The following GPATCH3 variants were observed in gnomAD, a reference collection of about 807,000 sequenced individuals.
GPATCH3 encodes G patch domain-containing protein 3.
In GPATCH3, 45 loss-of-function variants were observed where a neutral mutation model predicts 53.2. That is an observed-to-expected ratio of 0.85 (90% confidence interval 0.67 to 1.08). The LOEUF (loss-of-function observed/expected upper bound fraction) is 1.08. Among genes scored for constraint, GPATCH3 ranks in the 50% least tolerant of loss-of-function variants. The pLI is 0.00. For synonymous variants in GPATCH3, 280 were observed against 270.6 expected (o/e 1.03, Z -0.34); for missense variants, 680 against 687.2 (o/e 0.99, Z 0.12).
Position 26,897,708 on chromosome 1 carries a change from AGGGAAAGGAG to A in GPATCH3, c.459_468del (p.Phe155ArgfsTer21). 6.2e-7 allele frequency: 1 copy of A among 1,612,172 alleles called. No homozygotes were observed. On this transcript the variant is annotated frameshift_variant, in exon 2 of 7. Coordinates refer to ENST00000361720, the MANE Select transcript of GPATCH3 (RefSeq NM_022078.3). LOFTEE classifies it high-confidence loss of function. Reference sequence around the variant, plus strand: ...CTCTGCAGTTCCTTCCGGGTCTTGAAGGGAAAGGAGCCCAGACCTTGGAAAGGAGGGAGAA... The same window carrying A: ...CTCTGCAGTTCCTTCCGGGTCTTGAACCCAGACCTTGGAAAGGAGGGAGAA...
In GPATCH3 at chr1:26,891,598, T is replaced by C. The variant is rs552263408; in HGVS notation, c.1362-372A>G. 5.0e-4 allele frequency among the ~76,000 whole-genome samples: 76 copies of C among 152,200 alleles called. 1 individual carries two copies. The highest frequency in any genetic ancestry group is 4.3e-3 in the Admixed American group (65 of 15,272). Reference sequence around the variant, plus strand: ...GTCTCACTATGTCACCCAGGCTGGATTGTAATGGCGTGATCTCGGCTCACT... The same window carrying C: ...GTCTCACTATGTCACCCAGGCTGGACTGTAATGGCGTGATCTCGGCTCACT... On this transcript the variant is annotated intron_variant, in intron 6 of 6. Transcript: ENST00000361720.
At chr1:26,895,914 G>A (rs887878348) in intron 2 of GPATCH3, among the ~76,000 whole-genome samples, 2 of 152,236 alleles carry the variant, frequency 1.3e-5, no homozygotes, top group African/African-American at 4.8e-5. Context: ...ACAGGTGTGA[G>A]CCACTGCACC....
intron 1 of GPATCH3, among the ~76,000 whole-genome samples, chr1:26,899,622 CTCT>C (rs770347816): frequency 6.6e-6 from 1 of 152,222 alleles, no homozygotes; most frequent in Non-Finnish European, 1.5e-5. Flanking sequence ...AAAAGATTGT[CTCT>C]TCATTTGTAT....
chr1:26,900,419 C>T lies in GPATCH3; in HGVS notation c.24G>A (p.Glu8=). 6.2e-7 allele frequency: 1 copy of T among 1,610,456 alleles called. No individual in the cohort carries two copies. Among genetic ancestry groups the T allele is most frequent in the Non-Finnish European group, 8.5e-7 (1 of 1,177,444 alleles). Residue 8 remains glutamate (E), a synonymous_variant, in exon 1 of 7, where the codon GAG becomes GAA. Transcript: ENST00000361720. MAVPGEA[E]EEATVYLVVS... is the part of the protein sequence containing the mutation. ...CTACCAGGTAAACTGTCGCCTCCTCCTCCGCCTCGCCGGGCACCGCCATCT... is the reference window on the plus strand; with the variant it reads ...CTACCAGGTAAACTGTCGCCTCCTCTTCCGCCTCGCCGGGCACCGCCATCT...
Position 26,893,529 on chromosome 1 carries a change from CTTTTTTTTTT to C in GPATCH3, c.1052-91_1052-82del, listed in dbSNP as rs57218076. The C allele has an allele frequency of 2.7e-5, 10 of 373,112 alleles. No homozygotes were observed. In the East Asian group the frequency reaches 5.3e-4, roughly 20 times the overall value. The allele number at this position is 373,112 out of a possible 1,614,324, so 23.1% of individuals were successfully genotyped here. On this transcript the variant is annotated intron_variant, in intron 3 of 6. Transcript: ENST00000361720. ...AGAGTTAAACCTAGAGTTTTTTTGGCTTTTTTTTTTTTTTTTTTTTTGAGACAGAATCTCA... is the reference window on the plus strand; with the variant it reads ...AGAGTTAAACCTAGAGTTTTTTTGGCTTTTTTTTTTTGAGACAGAATCTCA...
At position 26,897,646 on chromosome 1, in the gene GPATCH3, G is replaced by A. The variant is rs1211740981; in HGVS notation, c.531C>T (p.Asp177=). ...GGTTCAGCTCCGGCAGTTGCTTCAG[G>A]TCAGCCAGGGTGAAGGCTTCATTCT... The part of the protein sequence containing the change: ...KAENEAFTLA[D]LKQLPELNPP... Residue 177 remains aspartate, a synonymous_variant, in exon 2 of 7, where the codon GAC becomes GAT. Coordinates refer to ENST00000361720, the MANE Select transcript of GPATCH3 (RefSeq NM_022078.3). 2 of 1,614,140 alleles carry A rather than the reference G, an allele frequency of 1.2e-6. No homozygotes were observed. The highest frequency in any genetic ancestry group is 1.7e-5 in the Admixed American group (1 of 60,000).
chr1:26,899,569 C>A (rs2081965551), intron 1 of GPATCH3, among the ~76,000 whole-genome samples: 1 of 152,188 alleles, frequency 6.6e-6, no homozygotes, highest in African/African-American at 2.4e-5. Flanking sequence ...TGTCCTGTTT[C>A]CCCATCAAAC....
In GPATCH3 at chr1:26,890,941, T is replaced by TC. The variant is rs1290443118; in HGVS notation, c.*68_*69insG. 7.1e-7 allele frequency: 1 copy of TC among 1,400,160 alleles called. No individual in the cohort carries two copies. Among genetic ancestry groups the TC allele is most frequent in the East Asian group, 2.3e-5 (1 of 43,838 alleles). 86.7% of individuals were successfully genotyped at this position (1,400,160 alleles called of 1,614,324 possible). On this transcript the variant is annotated 3_prime_UTR_variant, in exon 7 of 7. Transcript: ENST00000361720. ...CTGCTGCTCCCAGACTCCTTTCTGC[T>TC]TCAGTGGTAGATGAGGCCAGGGCAG...
In GPATCH3 at chr1:26,892,470, T is replaced by A. The variant is rs1004376303; in HGVS notation, c.1302A>T (p.Ser434=). The A allele has an allele frequency of 3.7e-6, 6 of 1,613,820 alleles. No homozygotes were observed. Among genetic ancestry groups the A allele is most frequent in the East Asian group, 2.2e-5 (1 of 44,890 alleles). Residue 434 remains serine, a synonymous_variant, in exon 6 of 7, where the codon TCA becomes TCT. Coordinates refer to ENST00000361720, the MANE Select transcript of GPATCH3 (RefSeq NM_022078.3). ...AEGQGLGCRC[S]GVPEALDSDG... is the part of the protein sequence containing the mutation. ...CACTATCCAGGGCCTCAGGCACCCCTGAGCACCTGCAGCCCAGGCCCTGGC... is the reference window on the plus strand; with the variant it reads ...CACTATCCAGGGCCTCAGGCACCCCAGAGCACCTGCAGCCCAGGCCCTGGC...
In GPATCH3 at chr1:26,900,270, G is replaced by C; in HGVS notation, c.173C>G (p.Pro58Arg). The change falls in exon 1 of 7, where the codon CCG (proline) becomes CGG (arginine). Residue 58 changes from proline (P) to arginine (R), a missense_variant. Pro to Arg is a moderately radical substitution (Grantham distance 103). Transcript: ENST00000361720. The stretch of plus-strand genomic sequence containing the variant: ...TAGGGCAGAGTTAGGAGCGGCCTGC[G>C]GAGGGGCCCGCTCAGGCCGATGCCG... ...HYRHRPERAPPQAAPNSALIP... is the reference protein window; with the variant it reads ...HYRHRPERAPRQAAPNSALIP... 1.2e-6 allele frequency: 2 copies of C among 1,614,032 alleles called. No individual in the cohort carries two copies. Among genetic ancestry groups the C allele is most frequent in the Non-Finnish European group, 1.7e-6 (2 of 1,180,046 alleles).
In GPATCH3 at chr1:26,900,213, A is replaced by G. The variant is rs781679776; in HGVS notation, c.230T>C (p.Leu77Pro). Residue 77 changes from leucine to proline, a missense_variant, in exon 1 of 7, where the codon CTT becomes CCT. Coordinates refer to ENST00000361720, the MANE Select transcript of GPATCH3 (RefSeq NM_022078.3). ...ATCGGTGGCCGAAGTCTGAGAGAGAAGCTGGCCCTCAGCGGCTGGGTCGGT... is the reference window on the plus strand; with the variant it reads ...ATCGGTGGCCGAAGTCTGAGAGAGAGGCTGGCCCTCAGCGGCTGGGTCGGT... ...IPTDPAAEGQ[L>P]LSQTSATDVR... 6.2e-7 allele frequency: 1 copy of G among 1,614,154 alleles called. No individual in the cohort carries two copies. Among genetic ancestry groups the G allele is most frequent in the Non-Finnish European group, 8.5e-7 (1 of 1,180,034 alleles).
At chr1:26,894,200 G>T in intron 3 of GPATCH3, 36 bp downstream of exon 3, 1 of 1,600,522 alleles carries the variant, frequency 6.2e-7, no homozygotes, top group Non-Finnish European at 8.5e-7. Flanking sequence ...AATGCAGCAG[G>T]GGTCACCCCT....
chr1:26,900,373 A>T lies in GPATCH3; in HGVS notation c.70T>A (p.Leu24Met). The T allele has an allele frequency of 2.5e-5, 41 of 1,614,024 alleles. No individual in the cohort carries two copies. Among genetic ancestry groups the T allele is most frequent in the Non-Finnish European group, 3.4e-5 (40 of 1,180,012 alleles). The change falls in exon 1 of 7, where the codon TTG (leucine) becomes ATG (methionine). Residue 24 changes from leucine (L) to methionine (M), a missense_variant. Physicochemically the swap from Leu to Met is conservative, Grantham distance 15 (BLOSUM62 2). Transcript: ENST00000361720. ...YLVVSGIPSV[L>M]RSAHLRSYFS... The stretch of plus-strand genomic sequence containing the variant: ...TAGCTCCGTAAATGGGCCGAGCGCA[A>T]CACGGAGGGGATACCGCTCACTACC...
In GPATCH3 at chr1:26,897,683, C is replaced by T. The variant is rs754665059; in HGVS notation, c.494G>A (p.Ser165Asn). 16 of 1,613,890 alleles carry T rather than the reference C, an allele frequency of 9.9e-6. No homozygotes were observed. Among genetic ancestry groups the T allele is most frequent in the Non-Finnish European group, 1.1e-5 (13 of 1,179,952 alleles). The change falls in exon 2 of 7, where the codon AGT (serine) becomes AAT (asparagine). Residue 165 changes from serine (S) to asparagine (N), a missense_variant. Transcript: ENST00000361720. ...GAAGGCTTCATTCTCTGCCTTCCAA[C>T]TCTGCAGTTCCTTCCGGGTCTTGAA... is the stretch of plus-strand genomic sequence containing the variant. ...FPFKTRKELQ[S>N]WKAENEAFTL...
Position 26,892,456 on chromosome 1 carries a change from G to C in GPATCH3, c.1316C>G (p.Ala439Gly). The C allele has an allele frequency of 6.2e-7, 1 of 1,613,874 alleles. No individual in the cohort carries two copies. The highest frequency in any genetic ancestry group is 1.1e-5 in the South Asian group (1 of 91,074). The change falls in exon 6 of 7, where the codon GCC (alanine) becomes GGC (glycine). Residue 439 changes from alanine (A) to glycine (G), a missense_variant. Transcript: ENST00000361720. ...GGGGTGTTGGCCATCACTATCCAGG[G>C]CCTCAGGCACCCCTGAGCACCTGCA... ...LGCRCSGVPE[A>G]LDSDGQHPRC...
intron 6 of GPATCH3, 69 bp from the exon 7 acceptor site, chr1:26,891,295 G>A (rs996251490): frequency 1.5e-5 from 18 of 1,226,030 alleles, no homozygotes; most frequent in South Asian, 7.8e-5. Context: ...GGGAGAGGAC[G>A]GGGAAGTAGT....
chr1:26,891,517 TAAAAAAA>T (rs1244547371), intron 6 of GPATCH3, among the ~76,000 whole-genome samples: 1 of 137,194 alleles, frequency 7.3e-6, no homozygotes, highest in Non-Finnish European at 1.6e-5. Flanking sequence ...GCTTACTCTT[TAAAAAAA>T]AAAAAAAAGT....
chr1:26,893,433 G>C lies in GPATCH3; in HGVS notation c.1067C>G (p.Thr356Arg), dbSNP rs935134486. 1 of 1,605,884 alleles carries C rather than the reference G, an allele frequency of 6.2e-7. No individual in the cohort carries two copies. Among genetic ancestry groups the C allele is most frequent in the African/African-American group, 1.3e-5 (1 of 74,442 alleles). The stretch of plus-strand genomic sequence containing the variant: ...CATGTCCACATCCCAGTCATCGGCT[G>C]TCTGTTCATCAAAATCTGTAGGGAC... ...QEEEGDFDEQ[T>R]ADDWDVDMSV... Residue 356 changes from threonine to arginine, a missense_variant, in exon 4 of 7, where the codon ACA becomes AGA. Coordinates refer to ENST00000361720, the MANE Select transcript of GPATCH3 (RefSeq NM_022078.3).
At chr1:26,894,190 A>C in intron 3 of GPATCH3, 46 bp downstream of exon 3, 1 of 1,583,700 alleles carries the variant, frequency 6.3e-7, no homozygotes, top group Non-Finnish European at 8.6e-7. Flanking sequence ...ACCCCAAAAG[A>C]ATGCAGCAGG....
Sources: gnomAD v4.1 joint callset for allele counts (sites outside exome capture counted in the v4.1 genomes callset) on GRCh38, gnomAD v4.1.1 for gene constraint, MANE v1.5 for transcripts, NCBI Gene and HGNC (gene_info 2026-07-23, HGNC 2026-07-21) for gene names.